Variants in MAML3 observed in about 807,000 individuals in gnomAD.
MAML3 encodes the protein mastermind like transcriptional coactivator 3.
Under a neutral mutation model 101.9 loss-of-function variants are expected in MAML3, and 27 were observed. The observed-to-expected ratio is 0.27, with a 90% CI of 0.20 to 0.37. MAML3 has a LOEUF of 0.37. Among genes scored for constraint, MAML3 ranks in the 10% least tolerant of loss-of-function variants. The probability of loss-of-function intolerance (pLI) is 1.00; values close to 1 mark genes in which losing one functional copy is unlikely to be tolerated. For missense variants in MAML3, 1,316 were observed against 1,444.9 expected (o/e 0.91, Z 1.45); for synonymous variants, 501 against 555.9 (o/e 0.90, Z 1.39).
At chr4:139,918,972 AC>A (rs1275071805) in intron 1 of MAML3, among the ~76,000 whole-genome samples, 1 of 152,302 alleles carries the variant, frequency 6.6e-6, no homozygotes, top group East Asian at 1.9e-4. Flanking sequence ...TAGAGAAAAA[AC>A]ATCTTTTTCA....
intron 1 of MAML3, among the ~76,000 whole-genome samples, chr4:140,107,725 G>C (rs1364723310): frequency 1.3e-5 from 2 of 151,184 alleles, no homozygotes; most frequent in Non-Finnish European, 3.0e-5. Context: ...GGCTGGTCTT[G>C]AACTCCTGAC....
At chr4:140,100,986 A>C (rs1417888881) in intron 1 of MAML3, among the ~76,000 whole-genome samples, 1 of 152,170 alleles carries the variant, frequency 6.6e-6, no homozygotes, top group Non-Finnish European at 1.5e-5. Context: ...CCAAGGCTCC[A>C]TGGAGAGGCA....
chr4:139,864,292 G>A (rs6842378), intron 2 of MAML3, among the ~76,000 whole-genome samples: 83,338 of 151,992 alleles, frequency 0.55, 25,710 homozygotes, highest in African/African-American at 0.83. Context: ...TCTGATGGGT[G>A]TGTTCCTTGC....
chr4:139,922,189 C>G (rs377003567), intron 1 of MAML3, among the ~76,000 whole-genome samples: 6 of 152,022 alleles, frequency 3.9e-5, no homozygotes, highest in African/African-American at 1.2e-4. Flanking sequence ...CTGTCCTCCC[C>G]CTTCTGCTCC....
intron 2 of MAML3, among the ~76,000 whole-genome samples, chr4:139,795,446 G>A (rs1196577238): frequency 6.6e-6 from 1 of 152,200 alleles, no homozygotes; most frequent in Non-Finnish European, 1.5e-5. Context: ...AGTGTTAAGG[G>A]TGAAATTAGA....
intron 2 of MAML3, among the ~76,000 whole-genome samples, chr4:139,845,511 G>A (rs1041814837): frequency 6.6e-6 from 1 of 152,150 alleles, no homozygotes; most frequent in African/African-American, 2.4e-5. Context: ...AGAGAGTTTT[G>A]ATAAATGCTC....
chr4:140,118,272 A>G (rs773181578), intron 1 of MAML3, among the ~76,000 whole-genome samples: 4 of 151,890 alleles, frequency 2.6e-5, no homozygotes, highest in South Asian at 4.2e-4. Context: ...ACCGTGTACT[A>G]GCTGTATGAC....
In MAML3 at chr4:140,050,825, T is replaced by G. The variant is rs1356835467; in HGVS notation, c.468+102035A>C. On this transcript the variant is annotated intron_variant, in intron 1 of 4. Transcript: ENST00000509479. Reference sequence around the variant, plus strand: ...CCACACCTCCTTCAGAATCGCTACCTTGAAATTACTTGTTAATCCTGTTTG... The same window carrying G: ...CCACACCTCCTTCAGAATCGCTACCGTGAAATTACTTGTTAATCCTGTTTG... Among the ~76,000 whole-genome samples, 4 of 152,178 alleles carry G rather than the reference T, an allele frequency of 2.6e-5. No homozygotes were observed. The East Asian group carries it at 7.7e-4, about 29-fold the overall frequency.
At chr4:139,865,159 C>A (rs1578637342) in intron 2 of MAML3, among the ~76,000 whole-genome samples, 1 of 152,114 alleles carries the variant, frequency 6.6e-6, no homozygotes, top group African/African-American at 2.4e-5. Context: ...AATACAGCAA[C>A]TATCTTCTCT....
chr4:140,076,546 TG>T (rs1702760781), intron 1 of MAML3, among the ~76,000 whole-genome samples: 1 of 152,236 alleles, frequency 6.6e-6, no homozygotes. Flanking sequence ...TCCAGGCCCC[TG>T]GAAGTCCTGC....
intron 1 of MAML3, among the ~76,000 whole-genome samples, chr4:140,065,339 G>A (rs983523731): frequency 2.0e-5 from 3 of 151,314 alleles, no homozygotes; most frequent in African/African-American, 7.3e-5. Flanking sequence ...GATCTCTCTA[G>A]TATTTATTTT....
chr4:140,095,242 C>T (rs1390147573), intron 1 of MAML3, among the ~76,000 whole-genome samples: 1 of 152,218 alleles, frequency 6.6e-6, no homozygotes. Context: ...TCCCAGAAAT[C>T]CCAGCTGCTC....
chr4:139,990,285 A>G (rs1170659800), intron 1 of MAML3, among the ~76,000 whole-genome samples: 1 of 152,250 alleles, frequency 6.6e-6, no homozygotes, highest in Non-Finnish European at 1.5e-5. Flanking sequence ...TATAAACAGA[A>G]CCAAAGACAA....
At chr4:140,007,564 AAAG>A (rs2110853881) in intron 1 of MAML3, among the ~76,000 whole-genome samples, 1 of 152,348 alleles carries the variant, frequency 6.6e-6, no homozygotes, top group Admixed American at 6.5e-5. Flanking sequence ...AACAGCAAAA[AAAG>A]GTTTCTGTAT....
intron 1 of MAML3, among the ~76,000 whole-genome samples, chr4:139,968,866 G>A (rs1040967769): frequency 6.6e-6 from 1 of 152,070 alleles, no homozygotes; most frequent in African/African-American, 2.4e-5. Context: ...GATGTCTGGA[G>A]GACAGAGGAG....
chr4:140,060,933 G>C (rs1437989499), intron 1 of MAML3, among the ~76,000 whole-genome samples: 1 of 152,192 alleles, frequency 6.6e-6, no homozygotes, highest in East Asian at 1.9e-4. Context: ...ATTCAGCAGA[G>C]CATCATCTGC....
chr4:140,142,749 C>T (rs917982958), intron 1 of MAML3, among the ~76,000 whole-genome samples: 4 of 152,152 alleles, frequency 2.6e-5, no homozygotes, highest in African/African-American at 9.7e-5. Context: ...TAAACACCTC[C>T]AGGTCTTCCA....
intron 2 of MAML3, among the ~76,000 whole-genome samples, chr4:139,837,713 A>T (rs2111141254): frequency 6.6e-6 from 1 of 152,264 alleles, no homozygotes; most frequent in Non-Finnish European, 1.5e-5. Flanking sequence ...TGAGGTCAGG[A>T]GTTCAAGAGC....
chr4:140,134,309 G>A, intron 1 of MAML3: 1 of 456,696 alleles, frequency 2.2e-6, no homozygotes. Flanking sequence ...CCACACTCAA[G>A]GAACTTGTAC....
Sources: allele counts gnomAD v4.1 joint callset (sites outside exome capture counted in the v4.1 genomes callset), GRCh38; gene constraint gnomAD v4.1.1; transcripts MANE v1.5; gene names NCBI Gene and HGNC (gene_info 2026-07-23, HGNC 2026-07-21).